Variants in NOL4 observed in about 807,000 individuals in gnomAD.
The protein encoded by NOL4 is nucleolar protein 4, also known as cancer/testis antigen 125.
NOL4 carries 17 observed loss-of-function variants against 75.9 expected under a neutral mutation model. The ratio of observed to expected loss-of-function variants is 0.22; its 90% CI spans 0.15 to 0.34. The LOEUF is 0.34. Ranked by LOEUF, NOL4 falls within the 10% of genes least tolerant of loss-of-function variation. NOL4 has a pLI of 1.00. For missense variants in NOL4, 614 were observed against 793.5 expected (o/e 0.77, Z 2.72); for synonymous variants, 292 against 289.9 (o/e 1.01, Z -0.07).
At chr18:34,063,968 G>A (rs1333528914) in intron 5 of NOL4, among the ~76,000 whole-genome samples, 2 of 151,948 alleles carry the variant, frequency 1.3e-5, no homozygotes, top group East Asian at 3.9e-4. Context: ...CTCTATTTAT[G>A]AAGTTGGAAG....
intron 9 of NOL4, among the ~76,000 whole-genome samples, chr18:33,934,354 G>T (rs1279452458): frequency 6.6e-6 from 1 of 152,194 alleles, no homozygotes; most frequent in African/African-American, 2.4e-5. Context: ...GTCATCAGCT[G>T]CATTAGCCCC....
intron 6 of NOL4, among the ~76,000 whole-genome samples, chr18:33,966,238 TGAG>T (rs1174842765): frequency 6.6e-6 from 1 of 152,106 alleles, no homozygotes; most frequent in Non-Finnish European, 1.5e-5. Context: ...TTATTTAAGA[TGAG>T]GAGAATAACC....
At chr18:34,195,927 G>T (rs1339177499) in intron 1 of NOL4, among the ~76,000 whole-genome samples, 1 of 151,906 alleles carries the variant, frequency 6.6e-6, no homozygotes, top group Non-Finnish European at 1.5e-5. Context: ...TCATTTTTCT[G>T]TTCTTCAGGG....
chr18:34,156,041 T>C (rs1014790803), intron 1 of NOL4, among the ~76,000 whole-genome samples: 1 of 152,174 alleles, frequency 6.6e-6, no homozygotes, highest in Non-Finnish European at 1.5e-5. Context: ...GATGCCTGTT[T>C]GTCAGAATAT....
At chr18:34,141,195 A>C (rs1429714307) in intron 1 of NOL4, among the ~76,000 whole-genome samples, 3 of 152,208 alleles carry the variant, frequency 2.0e-5, no homozygotes, top group African/African-American at 7.2e-5. Context: ...GACACAAACA[A>C]ATGGAAGAAC....
intron 6 of NOL4, among the ~76,000 whole-genome samples, chr18:34,003,938 C>T (rs2073886062): frequency 6.6e-6 from 1 of 152,010 alleles, no homozygotes; most frequent in Non-Finnish European, 1.5e-5. Flanking sequence ...CCAGCATTAA[C>T]ATCAAAATAC....
chr18:34,008,659 C>T (rs1032508013), intron 6 of NOL4, among the ~76,000 whole-genome samples: 21 of 151,864 alleles, frequency 1.4e-4, no homozygotes, highest in Non-Finnish European at 1.9e-4. Flanking sequence ...TTTACCAGCC[C>T]GCCATGATGC....
chr18:33,853,363 C>T (rs1300565059), intron 10 of NOL4, among the ~76,000 whole-genome samples: 1 of 151,980 alleles, frequency 6.6e-6, no homozygotes, highest in African/African-American at 2.4e-5. Flanking sequence ...GTAGACGCTT[C>T]TCATAGTAGC....
intron 9 of NOL4, among the ~76,000 whole-genome samples, chr18:33,908,870 A>G (rs1324732759): frequency 6.6e-6 from 1 of 152,104 alleles, no homozygotes; most frequent in Non-Finnish European, 1.5e-5. Context: ...GGAAAATACT[A>G]TGCTCTTTGT....
At chr18:33,861,143 C>T (rs1366747689) in intron 10 of NOL4, among the ~76,000 whole-genome samples, 1 of 152,206 alleles carries the variant, frequency 6.6e-6, no homozygotes, top group Non-Finnish European at 1.5e-5. Flanking sequence ...ATGATGGTGG[C>T]CTCATAAAAT....
chr18:34,021,677 T>C (rs763477497), intron 5 of NOL4, among the ~76,000 whole-genome samples: 1 of 152,128 alleles, frequency 6.6e-6, no homozygotes, highest in African/African-American at 2.4e-5. Context: ...TCATCTAATT[T>C]GGCATATTTA....
intron 9 of NOL4, among the ~76,000 whole-genome samples, chr18:33,915,311 T>C (rs1197971482): frequency 6.6e-6 from 1 of 152,050 alleles, no homozygotes; most frequent in Admixed American, 6.6e-5. Context: ...AATTTGGCAA[T>C]AGTCATTTAA....
rs191141451 is a variant in NOL4, at chr18:33,898,577, T to C, written c.1543-15153A>G. On this transcript the variant is annotated intron_variant, in intron 9 of 10. Coordinates refer to ENST00000261592, the MANE Select transcript of NOL4 (RefSeq NM_003787.5). Reference sequence around the variant, plus strand: ...CTTAGTACCACTTCCTTCAGTCAAATAATTTCCAAGTCCTGTCAGTGACAT... The same window carrying C: ...CTTAGTACCACTTCCTTCAGTCAAACAATTTCCAAGTCCTGTCAGTGACAT... Among the ~76,000 whole-genome samples, 63 of 152,274 alleles carry C rather than the reference T, an allele frequency of 4.1e-4. 1 individual carries two copies. The highest frequency in any genetic ancestry group is 2.2e-3 in the Admixed American group (33 of 15,268).
intron 1 of NOL4, chr18:34,221,604 TAAA>T (rs11388127): frequency 1.4e-5 from 2 of 139,352 alleles, no homozygotes; most frequent in African/African-American, 2.6e-5. Context: ...AGTACATTGT[TAAA>T]AAAAAAAAAA....
intron 1 of NOL4, among the ~76,000 whole-genome samples, chr18:34,203,715 T>A (rs57288388): frequency 0.033 from 1,934 of 59,384 alleles, 44 homozygotes; most frequent in African/African-American, 0.082. Context: ...TCTCTCTCTC[T>A]CTCACACACA....
chr18:34,111,466 G>A (rs528184229), intron 2 of NOL4, among the ~76,000 whole-genome samples: 1 of 151,988 alleles, frequency 6.6e-6, no homozygotes, highest in African/African-American at 2.4e-5. Context: ...AGATGTCTAA[G>A]GGGGCTTGCT....
intron 9 of NOL4, among the ~76,000 whole-genome samples, chr18:33,937,797 A>G (rs1241732000): frequency 6.6e-6 from 1 of 152,136 alleles, no homozygotes; most frequent in Non-Finnish European, 1.5e-5. Context: ...CTTTTAAGAT[A>G]CTAATTATAA....
chr18:33,884,914 G>A (rs2064544059), intron 9 of NOL4, among the ~76,000 whole-genome samples: 1 of 151,968 alleles, frequency 6.6e-6, no homozygotes, highest in African/African-American at 2.4e-5. Context: ...CTTTGCTCTT[G>A]TTCATCAAAC....
At chr18:34,097,437 G>A (rs1298321478) in intron 4 of NOL4, among the ~76,000 whole-genome samples, 1 of 152,024 alleles carries the variant, frequency 6.6e-6, no homozygotes, top group African/African-American at 2.4e-5. Flanking sequence ...TCTTTGGGGT[G>A]GTGTCCTGCA....
Sources: gnomAD v4.1 joint callset for allele counts (sites outside exome capture counted in the v4.1 genomes callset) on GRCh38, gnomAD v4.1.1 for gene constraint, MANE v1.5 for transcripts, NCBI Gene and HGNC (gene_info 2026-07-23, HGNC 2026-07-21) for gene names.